Variants in BANP observed in about 807,000 individuals in gnomAD.
BANP encodes protein BANP.
In BANP, 11 loss-of-function variants were observed where a neutral mutation model predicts 68.1. The ratio of observed to expected loss-of-function variants is 0.16; its 90% CI spans 0.10 to 0.27. BANP has a LOEUF of 0.27. Among genes scored for constraint, BANP ranks in the 10% least tolerant of loss-of-function variants. BANP has a pLI of 1.00. For synonymous variants in BANP, 329 were observed against 303.2 expected (o/e 1.09, Z -0.88); for missense variants, 504 against 722.7 (o/e 0.70, Z 3.47).
chr16:87,973,483 G>A (rs573993963), intron 1 of BANP, among the ~76,000 whole-genome samples: 26 of 152,148 alleles, frequency 1.7e-4, no homozygotes, highest in Admixed American at 1.3e-3. Context: ...AGCTGAGGCC[G>A]GGCGCGGTGG....
At chr16:88,042,320 G>C (rs2081025041) in intron 11 of BANP, among the ~76,000 whole-genome samples, 1 of 152,200 alleles carries the variant, frequency 6.6e-6, no homozygotes, top group Admixed American at 6.5e-5. Flanking sequence ...CGCAGGTGTG[G>C]GGACGCACTG....
At chr16:88,059,427 C>T (rs1025607490) in intron 11 of BANP, among the ~76,000 whole-genome samples, 17 of 152,142 alleles carry the variant, frequency 1.1e-4, no homozygotes, top group African/African-American at 3.9e-4. Flanking sequence ...TTCGGGCCCA[C>T]CTGAGCCCAG....
chr16:88,073,523 C>T lies in BANP; in HGVS notation c.1521+1311C>T, dbSNP rs1599167509. Among the ~76,000 whole-genome samples the T allele has an allele frequency of 2.0e-5, 3 of 151,838 alleles. No individual in the cohort carries two copies. The South Asian group carries it at 6.3e-4, about 32-fold the overall frequency. ...GATGCGCTGGAAGCACGGTGAGGGC[C>T]ATGGGCGCAGAACGCACAGGCAGTG... On this transcript the variant is annotated intron_variant, in intron 13 of 13. Transcript: ENST00000682872.
chr16:87,987,712 C>CA (rs66648819), intron 4 of BANP, among the ~76,000 whole-genome samples: 691 of 30,334 alleles, frequency 0.023, 113 homozygotes, highest in African/African-American at 0.034. Flanking sequence ...GACCCTAACT[C>CA]AAAAAAAAAA....
At chr16:88,068,091 C>G (rs866969972) in intron 12 of BANP, among the ~76,000 whole-genome samples, 1 of 152,246 alleles carries the variant, frequency 6.6e-6, no homozygotes, top group East Asian at 1.9e-4. Flanking sequence ...CATTTTCACA[C>G]GTAGTTCAGA....
chr16:87,956,747 G>A (rs532966699), intron 1 of BANP: 75 of 151,990 alleles, frequency 4.9e-4, no homozygotes, highest in African/African-American at 1.8e-3. Flanking sequence ...CGGTGGGCTC[G>A]CCTGGGACTC....
chr16:87,971,438 TG>T (rs1318765628), intron 1 of BANP, among the ~76,000 whole-genome samples: 1 of 152,202 alleles, frequency 6.6e-6, no homozygotes, highest in African/African-American at 2.4e-5. Context: ...AAAGTAATTT[TG>T]TCTGGATATA....
At chr16:87,964,431 G>A (rs376000932) in intron 1 of BANP, among the ~76,000 whole-genome samples, 26 of 139,538 alleles carry the variant, frequency 1.9e-4, no homozygotes, top group African/African-American at 7.1e-4. Flanking sequence ...CCGTTGCCGA[G>A]GCGTCCAGGA....
At chr16:87,994,533 T>A (rs1253672468) in intron 4 of BANP, among the ~76,000 whole-genome samples, 1 of 152,228 alleles carries the variant, frequency 6.6e-6, no homozygotes, top group Admixed American at 6.5e-5. Flanking sequence ...ATTTGGAGGG[T>A]TGGTTTTATA....
chr16:87,968,395 G>A (rs7202314), intron 1 of BANP, among the ~76,000 whole-genome samples: 98,761 of 150,216 alleles, frequency 0.66, 33,036 homozygotes, highest in African/African-American at 0.74. Context: ...GAGGCAGGAG[G>A]ATCACTTGAA....
intron 7 of BANP, among the ~76,000 whole-genome samples, chr16:88,023,534 C>A (rs556014421): frequency 1.4e-3 from 218 of 151,732 alleles, no homozygotes; most frequent in Non-Finnish European, 2.5e-3. Context: ...TGTTGGCACT[C>A]GGTTTTGTGG....
chr16:87,977,428 A>T (rs1379388189), intron 2 of BANP, among the ~76,000 whole-genome samples: 1 of 151,674 alleles, frequency 6.6e-6, no homozygotes, highest in African/African-American at 2.4e-5. Context: ...CAAAAAAAAA[A>T]ACAAAACCTA....
intron 6 of BANP, among the ~76,000 whole-genome samples, chr16:88,012,490 G>C (rs747662243): frequency 8.5e-5 from 13 of 152,132 alleles, no homozygotes; most frequent in Admixed American, 2.0e-4. Flanking sequence ...ATGCTCTAAG[G>C]CTCTGAACAA....
chr16:87,970,525 A>G (rs1162194469), intron 1 of BANP, among the ~76,000 whole-genome samples: 3 of 152,252 alleles, frequency 2.0e-5, no homozygotes, highest in African/African-American at 7.2e-5. Context: ...TGATTTGTAT[A>G]GAAAGGCAGA....
intron 3 of BANP, among the ~76,000 whole-genome samples, chr16:87,983,344 G>A (rs1308353142): frequency 1.3e-5 from 2 of 152,196 alleles, no homozygotes; most frequent in Non-Finnish European, 2.9e-5. Context: ...TGATTAACAC[G>A]TTTCCACGTG....
chr16:88,021,878 T>C (rs959546446), intron 7 of BANP, among the ~76,000 whole-genome samples: 3 of 152,204 alleles, frequency 2.0e-5, no homozygotes, highest in Non-Finnish European at 4.4e-5. Flanking sequence ...TCTCCTTATT[T>C]GTCAGCAGAA....
rs750718519 is a variant in BANP at position 88,063,614 on chromosome 16, C to G, written c.1312-1653C>G. 5.3e-5 allele frequency among the ~76,000 whole-genome samples: 8 copies of G among 152,158 alleles called. No homozygotes were observed. The South Asian group carries it at 6.2e-4, about 12-fold the overall frequency. On this transcript the variant is annotated intron_variant, in intron 11 of 13. Coordinates refer to ENST00000682872, the MANE Select transcript of BANP (RefSeq NM_001386991.1). ...ACATTTTAAAAGATCCCTTGATAGA[C>G]GAGTTTCAGATCCGATCACAGCTGT...
intron 7 of BANP, among the ~76,000 whole-genome samples, chr16:88,021,436 A>G (rs1026788413): frequency 2.6e-5 from 4 of 152,162 alleles, no homozygotes; most frequent in African/African-American, 9.6e-5. Flanking sequence ...GCTGACCTTC[A>G]GGGTGACTTT....
At chr16:87,950,551 C>T (rs1354867986), upstream of BANP, 1 of 152,174 alleles carries the variant, frequency 6.6e-6, no homozygotes, top group Non-Finnish European at 1.5e-5. Flanking sequence ...TCTCCTGCCT[C>T]AGCCTCCCGA....
Sources: allele counts gnomAD v4.1 joint callset (sites outside exome capture counted in the v4.1 genomes callset), GRCh38; gene constraint gnomAD v4.1.1; transcripts MANE v1.5; gene names NCBI Gene and HGNC (gene_info 2026-07-23, HGNC 2026-07-21).